Variants in CNTN5 observed in about 807,000 individuals in gnomAD.
CNTN5 encodes the protein contactin-5.
Under a neutral mutation model 129.1 loss-of-function variants are expected in CNTN5, and 77 were observed. That is an observed-to-expected ratio of 0.60 (90% CI 0.50 to 0.72). CNTN5 has a LOEUF of 0.72. CNTN5 is among the 30% of genes least tolerant of loss of function. The pLI, the probability that CNTN5 is intolerant of heterozygous loss-of-function variation, is 0.00. For missense variants in CNTN5, 1,478 were observed against 1,328.8 expected, an observed-to-expected ratio of 1.11 and a Z score of -1.75; for synonymous variants, 509 against 465.6, an observed-to-expected ratio of 1.09 and a Z score of -1.20.
intron 3 of CNTN5, among the ~76,000 whole-genome samples, chr11:99,587,178 C>G (rs187110490): frequency 6.6e-6 from 1 of 152,100 alleles, no homozygotes; most frequent in African/African-American, 2.4e-5. Flanking sequence ...ATGGGTAATC[C>G]GCTGGATATC....
At chr11:99,113,937 T>C (rs1192715029) in intron 1 of CNTN5, among the ~76,000 whole-genome samples, 4 of 152,192 alleles carry the variant, frequency 2.6e-5, no homozygotes, top group African/African-American at 9.6e-5. Context: ...AATTATATCC[T>C]GAGACTCCTA....
At chr11:99,557,675 A>G (rs1418494071) in intron 3 of CNTN5, among the ~76,000 whole-genome samples, 1 of 151,710 alleles carries the variant, frequency 6.6e-6, no homozygotes, top group Non-Finnish European at 1.5e-5. Flanking sequence ...TTCGTAATGT[A>G]CCAAAAGTAT....
chr11:100,268,942 C>T (rs2138775704), intron 17 of CNTN5, among the ~76,000 whole-genome samples: 1 of 152,200 alleles, frequency 6.6e-6, no homozygotes, highest in East Asian at 1.9e-4. Context: ...TGCCACTGAA[C>T]ATATGAGTCT....
At chr11:99,813,855 C>A (rs539265237) in intron 3 of CNTN5, among the ~76,000 whole-genome samples, 21 of 152,124 alleles carry the variant, frequency 1.4e-4, no homozygotes, top group African/African-American at 5.1e-4. Context: ...TTAGCAATAT[C>A]TTGGTAATTT....
At chr11:99,683,197 T>C (rs1953636211) in intron 3 of CNTN5, among the ~76,000 whole-genome samples, 1 of 151,842 alleles carries the variant, frequency 6.6e-6, no homozygotes, top group African/African-American at 2.4e-5. Flanking sequence ...TACTTCTCTA[T>C]CATGTTTCAG....
At chr11:100,134,437 G>A (rs1946465138) in intron 13 of CNTN5, among the ~76,000 whole-genome samples, 1 of 152,066 alleles carries the variant, frequency 6.6e-6, no homozygotes, top group South Asian at 2.1e-4. Flanking sequence ...CGGGTGGTAG[G>A]AATTTAAATG....
At chr11:99,525,568 T>G (rs1047304084) in intron 2 of CNTN5, among the ~76,000 whole-genome samples, 2 of 152,206 alleles carry the variant, frequency 1.3e-5, no homozygotes, top group Non-Finnish European at 2.9e-5. Flanking sequence ...ATGGACTTGT[T>G]TGGCAAATGA....
At chr11:100,042,051 C>G (rs1164285064) in intron 9 of CNTN5, among the ~76,000 whole-genome samples, 1 of 152,096 alleles carries the variant, frequency 6.6e-6, no homozygotes, top group East Asian at 1.9e-4. Flanking sequence ...CAATGTGGTC[C>G]CCTGCCTCAA....
chr11:99,910,574 G>T (rs1430924757), intron 6 of CNTN5, among the ~76,000 whole-genome samples: 1 of 151,904 alleles, frequency 6.6e-6, no homozygotes, highest in Non-Finnish European at 1.5e-5. Flanking sequence ...CTTTTGTCCT[G>T]GTATAGTTTT....
At chr11:100,139,524 C>T (rs868334702) in intron 13 of CNTN5, among the ~76,000 whole-genome samples, 12 of 151,970 alleles carry the variant, frequency 7.9e-5, no homozygotes, top group South Asian at 2.1e-4. Context: ...CAGGAGCAGG[C>T]GCAGTAAGCC....
intron 2 of CNTN5, among the ~76,000 whole-genome samples, chr11:99,462,808 G>A (rs1307717390): frequency 6.6e-6 from 1 of 152,098 alleles, no homozygotes; most frequent in Admixed American, 6.5e-5. Flanking sequence ...CAATAGCTTC[G>A]GCACGACGGC....
rs775378819 is a variant in CNTN5, at chr11:99,819,630, T to G, written c.142T>G (p.Ser48Ala). ...GAGTTCATCTTCATCTCTCTTTGGT[T>G]CCAAAACCAGACCACGATACAGCAG... Reference protein sequence around the residue: ...KKSSSSSLFGSKTRPRYSSPS... With the variant: ...KKSSSSSLFGAKTRPRYSSPS... Residue 48 changes from serine (S) to alanine (A), a missense_variant, in exon 4 of 25, where the codon TCC (serine) becomes GCC (alanine). Coordinates refer to ENST00000524871, the MANE Select transcript of CNTN5 (RefSeq NM_014361.4). 1 of 1,613,072 alleles carries G rather than the reference T, an allele frequency of 6.2e-7. No homozygotes were observed. Among genetic ancestry groups the G allele is most frequent in the Non-Finnish European group, 8.5e-7 (1 of 1,179,838 alleles).
chr11:99,554,047 T>G (rs2135531389), intron 2 of CNTN5, among the ~76,000 whole-genome samples: 1 of 151,470 alleles, frequency 6.6e-6, no homozygotes, highest in Non-Finnish European at 1.5e-5. Flanking sequence ...ATAAAATAAG[T>G]TATTTTAGAA....
At chr11:100,000,104 A>T (rs1217283042) in intron 8 of CNTN5, among the ~76,000 whole-genome samples, 1 of 152,010 alleles carries the variant, frequency 6.6e-6, no homozygotes, top group East Asian at 1.9e-4. Flanking sequence ...ACATGTGTAC[A>T]TATGTAACTA....
chr11:99,224,251 T>G (rs978721278), intron 1 of CNTN5, among the ~76,000 whole-genome samples: 4 of 152,194 alleles, frequency 2.6e-5, no homozygotes, highest in African/African-American at 9.7e-5. Flanking sequence ...TTTTTCTTTT[T>G]ACGTATTTCG....
chr11:99,761,109 T>C (rs1158719660), intron 3 of CNTN5, among the ~76,000 whole-genome samples: 3 of 152,092 alleles, frequency 2.0e-5, no homozygotes, highest in African/African-American at 7.2e-5. Context: ...AAGGATGATA[T>C]ATGTGTAGAA....
chr11:99,573,520 A>T (rs1186120146), intron 3 of CNTN5, among the ~76,000 whole-genome samples: 1 of 151,958 alleles, frequency 6.6e-6, no homozygotes, highest in Non-Finnish European at 1.5e-5. Flanking sequence ...CAGTGAGCCC[A>T]GATCACGCCA....
intron 3 of CNTN5, among the ~76,000 whole-genome samples, chr11:99,572,397 G>A (rs562399403): frequency 6.6e-5 from 10 of 152,190 alleles, no homozygotes; most frequent in Non-Finnish European, 1.0e-4. Context: ...GCCACGGTTT[G>A]GACAAGCTTG....
chr11:100,085,190 T>C (rs1944502225), intron 13 of CNTN5, among the ~76,000 whole-genome samples: 1 of 152,050 alleles, frequency 6.6e-6, no homozygotes, highest in African/African-American at 2.4e-5. Flanking sequence ...TTCTGGGATA[T>C]GTGTCAATTT....
Sources: gnomAD v4.1 joint callset for allele counts (sites outside exome capture counted in the v4.1 genomes callset) on GRCh38, gnomAD v4.1.1 for gene constraint, MANE v1.5 for transcripts, NCBI Gene and HGNC (gene_info 2026-07-23, HGNC 2026-07-21) for gene names.